Variants in DLG2 observed in about 807,000 individuals in gnomAD.
DLG2 encodes discs large MAGUK scaffold protein 2.
In DLG2, 45 loss-of-function variants were observed where a neutral mutation model predicts 132.5. The ratio of observed to expected loss-of-function variants is 0.34; its 90% confidence interval spans 0.27 to 0.44. The LOEUF (loss-of-function observed/expected upper bound fraction) is 0.44, where lower values mean the gene tolerates loss of function less well. Ranked by LOEUF, DLG2 falls within the 20% of genes least tolerant of loss-of-function variation. The pLI is 1.00. For synonymous variants in DLG2, 424 were observed against 419.6 expected, an observed-to-expected ratio of 1.01 and a Z score of -0.13; for missense variants, 1,045 against 1,196.9, an observed-to-expected ratio of 0.87 and a Z score of 1.87.
At position 83,694,578 on chromosome 11, in the gene DLG2, T is replaced by C. The variant is rs2081557007; in HGVS notation, c.1826-61253A>G. Among the ~76,000 whole-genome samples the C allele has an allele frequency of 2.0e-5, 3 of 152,186 alleles. No individual in the cohort carries two copies. In the South Asian group the frequency reaches 6.2e-4, roughly 32 times the overall value. ...AAAGAAAGAAAAAAGAATCTTAATTTCCTTCTGCTTCCTGTTTGCCAGACT... is the reference window on the plus strand; with the variant it reads ...AAAGAAAGAAAAAAGAATCTTAATTCCCTTCTGCTTCCTGTTTGCCAGACT... On this transcript the variant is annotated intron_variant, in intron 18 of 27. Transcript: ENST00000376104.
intron 18 of DLG2, among the ~76,000 whole-genome samples, chr11:83,765,600 C>T (rs748296779): frequency 5.3e-5 from 8 of 152,156 alleles, no homozygotes; most frequent in Non-Finnish European, 1.2e-4. Context: ...TCAGTTTTAA[C>T]AGAGGTTAGA....
intron 6 of DLG2, among the ~76,000 whole-genome samples, chr11:84,889,262 G>C (rs35683266): frequency 0.068 from 10,366 of 152,116 alleles, 484 homozygotes; most frequent in Non-Finnish European, 0.098. Context: ...ATTGTTAAGC[G>C]CTAGGTAATA....
chr11:85,148,348 GA>G (rs1282951059), intron 5 of DLG2, among the ~76,000 whole-genome samples: 2 of 152,128 alleles, frequency 1.3e-5, no homozygotes, highest in Non-Finnish European at 2.9e-5. Flanking sequence ...CACAACAGTT[GA>G]ACTAATTTAC....
At chr11:85,221,248 G>A (rs2074622479) in intron 4 of DLG2, among the ~76,000 whole-genome samples, 1 of 151,880 alleles carries the variant, frequency 6.6e-6, no homozygotes, top group South Asian at 2.1e-4. Context: ...TTCACCGCCA[G>A]GATGGTCTCA....
intron 3 of DLG2, among the ~76,000 whole-genome samples, chr11:85,351,541 G>A (rs2083286494): frequency 6.6e-6 from 1 of 152,176 alleles, no homozygotes; most frequent in South Asian, 2.1e-4. Context: ...GATATTGGCT[G>A]TGGGTTTGTC....
chr11:83,900,801 G>T lies in DLG2; in HGVS notation c.1497-26313C>A, dbSNP rs115523092. Among the ~76,000 whole-genome samples, 643 of 152,298 alleles carry T rather than the reference G, an allele frequency of 4.2e-3. 5 individuals are homozygous for T. Among genetic ancestry groups the T allele is most frequent in the African/African-American group, 0.015 (614 of 41,582 alleles). The stretch of plus-strand genomic sequence containing the variant: ...CCTTGGGGCACTACCTAGTGGAGCT[G>T]CAGGAAGAGAACCACTGTCCTCTAG... On this transcript the variant is annotated intron_variant, in intron 15 of 27. Transcript: ENST00000376104.
At chr11:84,407,459 AT>A (rs1241140686) in intron 7 of DLG2, among the ~76,000 whole-genome samples, 2 of 152,052 alleles carry the variant, frequency 1.3e-5, no homozygotes, top group Non-Finnish European at 2.9e-5. Context: ...AAGGCCATAC[AT>A]TTTGGATTTC....
intron 6 of DLG2, among the ~76,000 whole-genome samples, chr11:84,854,186 C>A (rs1566157467): frequency 6.6e-6 from 1 of 152,036 alleles, no homozygotes; most frequent in Non-Finnish European, 1.5e-5. Context: ...GGAATAAAAT[C>A]CAAACTTCTT....
At position 84,875,097 on chromosome 11, in the gene DLG2, G is replaced by A. The variant is rs75596461; in HGVS notation, c.357+236564C>T. ...ATGAAAGCTGATAAGGCAGAAAAGTGAGTCATGGTATCTGACATGACCAAA... is the reference window on the plus strand; with the variant it reads ...ATGAAAGCTGATAAGGCAGAAAAGTAAGTCATGGTATCTGACATGACCAAA... On this transcript the variant is annotated intron_variant, in intron 6 of 27. Coordinates refer to ENST00000376104, the MANE Select transcript of DLG2 (RefSeq NM_001142699.3). 9.1e-3 allele frequency among the ~76,000 whole-genome samples: 1,376 copies of A among 151,708 alleles called. 22 individuals are homozygous for A. The highest frequency in any genetic ancestry group is 0.032 in the African/African-American group (1,311 of 41,374).
At chr11:84,343,326 G>A (rs1284502373) in intron 7 of DLG2, among the ~76,000 whole-genome samples, 1 of 152,148 alleles carries the variant, frequency 6.6e-6, no homozygotes, top group Non-Finnish European at 1.5e-5. Context: ...ATATTACAAA[G>A]TTATATTTAT....
chr11:85,431,016 T>G (rs536722423), intron 3 of DLG2, among the ~76,000 whole-genome samples: 1 of 152,224 alleles, frequency 6.6e-6, no homozygotes, highest in South Asian at 2.1e-4. Flanking sequence ...GATTTTGGGT[T>G]TCAAATAATT....
chr11:85,299,574 AAT>A (rs1284310794), intron 3 of DLG2, among the ~76,000 whole-genome samples: 1 of 152,094 alleles, frequency 6.6e-6, no homozygotes, highest in Non-Finnish European at 1.5e-5. Context: ...GTGTCATTGG[AAT>A]ATATGTTTTA....
At chr11:84,214,461 G>A (rs2096808672) in intron 8 of DLG2, among the ~76,000 whole-genome samples, 1 of 151,326 alleles carries the variant, frequency 6.6e-6, no homozygotes, top group South Asian at 2.1e-4. Context: ...ATATATGTCT[G>A]AGTATATCTA....
At chr11:85,204,219 C>T (rs1367241277) in intron 4 of DLG2, among the ~76,000 whole-genome samples, 4 of 151,974 alleles carry the variant, frequency 2.6e-5, no homozygotes, top group Non-Finnish European at 5.9e-5. Flanking sequence ...TAAAGAGCAT[C>T]CAAAATGGAA....
intron 6 of DLG2, among the ~76,000 whole-genome samples, chr11:84,540,609 C>G (rs2099366233): frequency 6.6e-6 from 1 of 152,166 alleles, no homozygotes; most frequent in Non-Finnish European, 1.5e-5. Context: ...TAAACTACTT[C>G]CACCATTGTG....
intron 14 of DLG2, among the ~76,000 whole-genome samples, chr11:83,949,639 A>T (rs1259869114): frequency 1.3e-5 from 2 of 152,184 alleles, no homozygotes; most frequent in Non-Finnish European, 2.9e-5. Flanking sequence ...TCTAGGATAC[A>T]ATGTAGTATT....
chr11:84,469,655 CCTAT>C (rs1385656321), intron 7 of DLG2, among the ~76,000 whole-genome samples: 5 of 151,568 alleles, frequency 3.3e-5, no homozygotes, highest in Non-Finnish European at 7.4e-5. Flanking sequence ...AACTTATCTT[CCTAT>C]CTAATTATAG....
intron 3 of DLG2, among the ~76,000 whole-genome samples, chr11:85,505,033 G>A (rs1220055300): frequency 6.6e-6 from 1 of 152,028 alleles, no homozygotes; most frequent in Non-Finnish European, 1.5e-5. Flanking sequence ...TGGTGTATTG[G>A]TGTACAGGAA....
intron 22 of DLG2, chr11:83,483,252 C>A (rs1212823356): frequency 6.2e-7 from 1 of 1,612,470 alleles, no homozygotes; most frequent in Non-Finnish European, 8.5e-7. Context: ...TGGAAACTTA[C>A]TCAGAGTCTT....
Sources: allele counts gnomAD v4.1 joint callset (sites outside exome capture counted in the v4.1 genomes callset), GRCh38; gene constraint gnomAD v4.1.1; transcripts MANE v1.5; gene names NCBI Gene and HGNC (gene_info 2026-07-23, HGNC 2026-07-21).